The following DGKI variants were observed in gnomAD, a reference collection of about 807,000 sequenced individuals.
The protein encoded by DGKI is diacylglycerol kinase iota.
Under a neutral mutation model 147.5 loss-of-function variants are expected in DGKI, and 55 were observed. That is an observed-to-expected ratio of 0.37 (90% CI 0.30 to 0.47). The LOEUF (loss-of-function observed/expected upper bound fraction) is 0.47, where lower values mean the gene tolerates loss of function less well. Among genes scored for constraint, DGKI ranks in the 20% least tolerant of loss-of-function variants. The pLI is 1.00. For missense variants in DGKI, 1,007 were observed against 1,323.8 expected (o/e 0.76, Z 3.71); for synonymous variants, 469 against 477.1 (o/e 0.98, Z 0.22).
chr7:137,804,885 A>G (rs1398273270), intron 1 of DGKI, among the ~76,000 whole-genome samples: 6 of 152,154 alleles, frequency 3.9e-5, no homozygotes, highest in African/African-American at 1.4e-4. Flanking sequence ...ATCCTCATCC[A>G]GGTCTCCTTT....
rs1479255302 is a variant in DGKI, at chr7:137,387,717, A to C, written c.*3503T>G. On this transcript the variant is annotated 3_prime_UTR_variant, in exon 33 of 33. Coordinates refer to ENST00000614521, the MANE Select transcript of DGKI (RefSeq NM_001321708.2). Reference sequence around the variant, plus strand: ...AACACCAGAACAAAGGGATGCCTTGACTGTGGATGTGATACTCATCTGTGG... The same window carrying C: ...AACACCAGAACAAAGGGATGCCTTGCCTGTGGATGTGATACTCATCTGTGG... 2 of 152,162 alleles carry C rather than the reference A, an allele frequency of 1.3e-5. No homozygotes were observed. The highest frequency in any genetic ancestry group is 2.9e-5 in the Non-Finnish European group (2 of 68,018). 9.4% of individuals were successfully genotyped at this position (152,162 alleles called of 1,614,324 possible). A position where few individuals can be genotyped will look rare whatever the true frequency, so the allele number is the denominator to read the frequency against.
At chr7:137,716,782 C>A (rs1418475257) in intron 1 of DGKI, among the ~76,000 whole-genome samples, 1 of 152,234 alleles carries the variant, frequency 6.6e-6, no homozygotes, top group Non-Finnish European at 1.5e-5. Flanking sequence ...CCTCTCTCTG[C>A]TCCTATTTAA....
intron 23 of DGKI, among the ~76,000 whole-genome samples, chr7:137,479,954 T>C (rs138713470): frequency 5.3e-5 from 8 of 152,176 alleles, no homozygotes; most frequent in Non-Finnish European, 8.8e-5. Flanking sequence ...AACCCCTCCA[T>C]CTCGAACCTA....
chr7:137,631,594 G>C (rs749822983), intron 6 of DGKI, among the ~76,000 whole-genome samples: 9 of 152,024 alleles, frequency 5.9e-5, no homozygotes, highest in Non-Finnish European at 1.3e-4. Flanking sequence ...TGAGGGTGAA[G>C]GATGAAAAAG....
intron 1 of DGKI, among the ~76,000 whole-genome samples, chr7:137,810,969 C>T (rs190608438): frequency 7.2e-5 from 11 of 152,268 alleles, no homozygotes; most frequent in Non-Finnish European, 1.2e-4. Flanking sequence ...GTACATTCTA[C>T]GTATGTACTC....
intron 21 of DGKI, among the ~76,000 whole-genome samples, chr7:137,507,792 A>G (rs757791607): frequency 3.9e-5 from 6 of 152,132 alleles, no homozygotes; most frequent in Non-Finnish European, 5.9e-5. Context: ...CCTACTGATG[A>G]TATCTTTGTG....
intron 1 of DGKI, among the ~76,000 whole-genome samples, chr7:137,822,574 G>A (rs1373454982): frequency 6.6e-6 from 1 of 152,138 alleles, no homozygotes; most frequent in Non-Finnish European, 1.5e-5. Context: ...ATAAGTCACA[G>A]ACATGCACAC....
chr7:137,503,219 G>GT (rs1489774966), intron 21 of DGKI, among the ~76,000 whole-genome samples: 1 of 152,164 alleles, frequency 6.6e-6, no homozygotes, highest in Non-Finnish European at 1.5e-5. Context: ...CAGAATTAAA[G>GT]TAAGTATTGC....
chr7:137,643,607 G>A (rs1821726409), intron 6 of DGKI, among the ~76,000 whole-genome samples: 1 of 152,150 alleles, frequency 6.6e-6, no homozygotes, highest in Non-Finnish European at 1.5e-5. Flanking sequence ...TGACAAGCTG[G>A]ATCACTGACT....
intron 28 of DGKI, among the ~76,000 whole-genome samples, chr7:137,426,317 A>C (rs887397403): frequency 7.9e-5 from 12 of 152,182 alleles, no homozygotes; most frequent in African/African-American, 1.9e-4. Context: ...TAAGTGAAGG[A>C]GAAATAAAAT....
chr7:137,788,395 C>T (rs1796737681), intron 1 of DGKI, among the ~76,000 whole-genome samples: 1 of 152,056 alleles, frequency 6.6e-6, no homozygotes, highest in Non-Finnish European at 1.5e-5. Context: ...CACTGTCTTC[C>T]ACTTCTAAAC....
intron 28 of DGKI, among the ~76,000 whole-genome samples, chr7:137,430,061 C>T (rs1040292544): frequency 2.1e-4 from 24 of 116,818 alleles, no homozygotes; most frequent in African/African-American, 7.6e-4. Context: ...TGGGTATATA[C>T]CCAAAGGACT....
At chr7:137,613,974 C>A (rs535886036) in intron 8 of DGKI, among the ~76,000 whole-genome samples, 1 of 152,278 alleles carries the variant, frequency 6.6e-6, no homozygotes, top group African/African-American at 2.4e-5. Context: ...TAGGAAGAGA[C>A]AGCGGAGATG....
intron 29 of DGKI, among the ~76,000 whole-genome samples, chr7:137,409,870 A>G (rs1403511801): frequency 1.3e-5 from 2 of 151,430 alleles, no homozygotes; most frequent in Non-Finnish European, 2.9e-5. Flanking sequence ...GCTAGTCTCT[A>G]TCTCTCGCTC....
intron 28 of DGKI, among the ~76,000 whole-genome samples, chr7:137,427,695 G>A (rs1288602647): frequency 7.9e-5 from 12 of 151,500 alleles, no homozygotes; most frequent in Non-Finnish European, 1.5e-4. Context: ...TCAAATAGAT[G>A]CAATAAAAAA....
At chr7:137,728,822 G>T (rs1794788335) in intron 1 of DGKI, among the ~76,000 whole-genome samples, 1 of 152,114 alleles carries the variant, frequency 6.6e-6, no homozygotes, top group Non-Finnish European at 1.5e-5. Context: ...CTGGCTGGCA[G>T]GGGAGCTATT....
At chr7:137,467,492 C>T (rs1012999665) in intron 24 of DGKI, among the ~76,000 whole-genome samples, 23 of 152,266 alleles carry the variant, frequency 1.5e-4, no homozygotes, top group African/African-American at 2.4e-4. Flanking sequence ...CTTCCCACTT[C>T]GGAAAATGGC....
At chr7:137,636,552 C>T (rs898465549) in intron 6 of DGKI, among the ~76,000 whole-genome samples, 2 of 152,124 alleles carry the variant, frequency 1.3e-5, no homozygotes, top group Admixed American at 6.5e-5. Context: ...CATCTCATTC[C>T]CTCAGTTGAG....
intron 5 of DGKI, among the ~76,000 whole-genome samples, chr7:137,652,115 A>G (rs1229978342): frequency 6.6e-6 from 1 of 152,118 alleles, no homozygotes; most frequent in African/African-American, 2.4e-5. Context: ...TGGCTAAGGA[A>G]TGTTTTTGGG....
Sources: gnomAD v4.1 joint callset for allele counts (sites outside exome capture counted in the v4.1 genomes callset) on GRCh38, gnomAD v4.1.1 for gene constraint, MANE v1.5 for transcripts, NCBI Gene and HGNC (gene_info 2026-07-23, HGNC 2026-07-21) for gene names.